ARHGAP6: variants seen among roughly 807,000 people sequenced by gnomAD.
ARHGAP6 encodes Rho GTPase activating protein 6.
ARHGAP6 carries 16 observed loss-of-function variants against 55.7 expected under a neutral mutation model. The ratio of observed to expected loss-of-function variants is 0.29; its 90% CI spans 0.19 to 0.44. The LOEUF is 0.44. ARHGAP6 is among the 20% of genes least tolerant of loss of function. The probability of loss-of-function intolerance (pLI) is 1.00; values close to 1 mark genes in which losing one functional copy is unlikely to be tolerated. For missense variants in ARHGAP6, 698 were observed against 808.9 expected, an observed-to-expected ratio of 0.86 and a Z score of 1.66; for synonymous variants, 382 against 360.9, an observed-to-expected ratio of 1.06 and a Z score of -0.66.
At chrX:11,443,725 G>A (rs1047246575) in intron 1 of ARHGAP6, among the ~76,000 whole-genome samples, 1 of 111,773 alleles carries the variant, frequency 8.9e-6, no homozygotes, top group African/African-American at 3.3e-5. Context: ...TCAGGAGATC[G>A]AGACCATCCT....
intron 1 of ARHGAP6, among the ~76,000 whole-genome samples, chrX:11,462,443 C>T (rs1259739995): frequency 1.8e-5 from 2 of 112,131 alleles, no homozygotes; most frequent in African/African-American, 6.5e-5. Flanking sequence ...GTAGTAATGG[C>T]GTCCTTGTGT....
chrX:11,649,035 C>T (rs1305696295), intron 1 of ARHGAP6, among the ~76,000 whole-genome samples: 1 of 112,225 alleles, frequency 8.9e-6, no homozygotes, highest in African/African-American at 3.2e-5. Context: ...TCCTTTAGCT[C>T]GTGGCAGATT....
At chrX:11,419,857 T>C (rs1434417362) in intron 1 of ARHGAP6, among the ~76,000 whole-genome samples, 1 of 113,026 alleles carries the variant, frequency 8.8e-6, no homozygotes, top group Non-Finnish European at 1.9e-5. Context: ...GCTGTTGCCA[T>C]GGCAACTTTT....
At chrX:11,574,556 G>A (rs1212167275) in intron 1 of ARHGAP6, among the ~76,000 whole-genome samples, 4 of 109,021 alleles carry the variant, frequency 3.7e-5, no homozygotes, top group African/African-American at 1.3e-4. Flanking sequence ...CAATAAATTA[G>A]GTATTGATGG....
intron 1 of ARHGAP6, among the ~76,000 whole-genome samples, chrX:11,497,016 T>A (rs985031690): frequency 2.7e-5 from 3 of 111,758 alleles, no homozygotes; most frequent in African/African-American, 9.8e-5. Context: ...CTGTTTATTT[T>A]CTCTGCTATG....
At chrX:11,219,030 C>G (rs2046923129) in intron 2 of ARHGAP6, among the ~76,000 whole-genome samples, 1 of 73,526 alleles carries the variant, frequency 1.4e-5, no homozygotes, top group Non-Finnish European at 2.5e-5. Flanking sequence ...ATTGCTATCC[C>G]TCCCCCCTCC....
chrX:11,138,269 A>G lies in ARHGAP6; in HGVS notation c.*594T>C, dbSNP rs1200600405. On this transcript the variant is annotated 3_prime_UTR_variant, in exon 13 of 13. Coordinates refer to ENST00000337414, the MANE Select transcript of ARHGAP6 (RefSeq NM_013427.3). ...ATTTTTCTTTTTGTATCTGACTCCT[A>G]TGTAAAAATATGGCTTCTCATATTC... The G allele has an allele frequency of 1.8e-5, 2 of 112,050 alleles. No homozygotes were observed. Among genetic ancestry groups the G allele is most frequent in the Non-Finnish European group, 3.8e-5 (2 of 53,177 alleles). The allele number at this position is 112,050 out of a possible 1,213,427, so 9.2% of individuals were successfully genotyped here.
intron 1 of ARHGAP6, among the ~76,000 whole-genome samples, chrX:11,408,709 AT>A (rs762819949): frequency 3.6e-5 from 4 of 110,185 alleles, no homozygotes; most frequent in Non-Finnish European, 5.7e-5. Flanking sequence ...ACAGAAGCAG[AT>A]TTAAAGGCAG....
At chrX:11,330,264 G>A (rs1268642774) in intron 1 of ARHGAP6, among the ~76,000 whole-genome samples, 1 of 112,337 alleles carries the variant, frequency 8.9e-6, no homozygotes, top group Non-Finnish European at 1.9e-5. Flanking sequence ...TAATAACTGA[G>A]TACCATACAT....
chrX:11,393,278 C>T (rs1300966002), intron 1 of ARHGAP6, among the ~76,000 whole-genome samples: 1 of 109,604 alleles, frequency 9.1e-6, no homozygotes, highest in African/African-American at 3.3e-5. Context: ...AAAGCAAAAA[C>T]CAAAAACAGC....
At chrX:11,427,663 G>C in intron 1 of ARHGAP6, 1 of 841,602 alleles carries the variant, frequency 1.2e-6, no homozygotes, top group African/African-American at 2.2e-5. Context: ...TGAGTTCCCC[G>C]CACTTCACTG....
chrX:11,514,467 G>A (rs2050816444), intron 1 of ARHGAP6, among the ~76,000 whole-genome samples: 1 of 109,827 alleles, frequency 9.1e-6, no homozygotes, highest in African/African-American at 3.3e-5. Context: ...ATGTTCAGCA[G>A]TATCCCTGGC....
At chrX:11,524,592 C>T (rs2050969389) in intron 1 of ARHGAP6, among the ~76,000 whole-genome samples, 1 of 111,106 alleles carries the variant, frequency 9.0e-6, no homozygotes, top group African/African-American at 3.3e-5. Context: ...GCACCAATGA[C>T]ATTTGGGACT....
intron 1 of ARHGAP6, among the ~76,000 whole-genome samples, chrX:11,404,910 A>G (rs2049592851): frequency 8.9e-6 from 1 of 111,894 alleles, no homozygotes; most frequent in African/African-American, 3.3e-5. Flanking sequence ...ACCATTGAAC[A>G]GTTTGTCTTA....
chrX:11,659,464 GC>G (rs1320940264), intron 1 of ARHGAP6, among the ~76,000 whole-genome samples: 1 of 110,986 alleles, frequency 9.0e-6, no homozygotes, highest in Non-Finnish European at 1.9e-5. Flanking sequence ...AGCATCCCTG[GC>G]CTCCCACTAG....
chrX:11,149,822 T>G (rs1357856548), intron 10 of ARHGAP6, among the ~76,000 whole-genome samples: 1 of 112,267 alleles, frequency 8.9e-6, no homozygotes, highest in East Asian at 2.8e-4. Flanking sequence ...TTCAATAAGA[T>G]GAACATCTAG....
intron 12 of ARHGAP6, among the ~76,000 whole-genome samples, chrX:11,141,394 A>G (rs1229673245): frequency 8.9e-6 from 1 of 111,989 alleles, no homozygotes; most frequent in Non-Finnish European, 1.9e-5. Flanking sequence ...TAAGTAAACA[A>G]TATGGAAAAA....
At chrX:11,230,480 G>A (rs1310100497) in intron 2 of ARHGAP6, among the ~76,000 whole-genome samples, 1 of 111,450 alleles carries the variant, frequency 9.0e-6, no homozygotes, top group Non-Finnish European at 1.9e-5. Flanking sequence ...ACAGGCATGA[G>A]CCACCGCGCC....
intron 1 of ARHGAP6, among the ~76,000 whole-genome samples, chrX:11,574,094 AC>A (rs2051566109): frequency 9.0e-6 from 1 of 110,941 alleles, no homozygotes; most frequent in Admixed American, 9.6e-5. Context: ...CAGCTTACCA[AC>A]CAAAAAGAGT....
Sources: allele counts gnomAD v4.1 joint callset (sites outside exome capture counted in the v4.1 genomes callset), GRCh38; gene constraint gnomAD v4.1.1; transcripts MANE v1.5; gene names NCBI Gene and HGNC (gene_info 2026-07-23, HGNC 2026-07-21).